The following CTNNA2 variants were observed in gnomAD, a reference collection of about 807,000 sequenced individuals.
The protein encoded by CTNNA2 is catenin alpha 2, also known as catenin alpha-2.
CTNNA2 carries 42 observed loss-of-function variants against 101.0 expected under a neutral mutation model. The observed-to-expected ratio is 0.42, with a 90% CI of 0.32 to 0.54. The LOEUF (loss-of-function observed/expected upper bound fraction) is 0.54, where lower values mean the gene tolerates loss of function less well. CTNNA2 is among the 20% of genes least tolerant of loss of function. The pLI, the probability that CTNNA2 is intolerant of heterozygous loss-of-function variation, is 0.14. For synonymous variants in CTNNA2, 450 were observed against 456.4 expected (o/e 0.99, Z 0.18); for missense variants, 871 against 1,223.1 (o/e 0.71, Z 4.29).
Position 80,581,817 on chromosome 2 carries a change from C to T in CTNNA2, c.2005C>T (p.Arg669Trp). The T allele has an allele frequency of 1.9e-6, 3 of 1,581,514 alleles. No homozygotes were observed. Among genetic ancestry groups the T allele is most frequent in the Non-Finnish European group, 1.7e-6 (2 of 1,150,712 alleles). The change falls in exon 14 of 19, where the codon CGG becomes TGG. Residue 669 changes from arginine (R) to tryptophan (W), a missense_variant and splice_region_variant. Coordinates refer to ENST00000402739, the MANE Select transcript of CTNNA2 (RefSeq NM_001282597.3). ...CCAGCTCATTGCAGGGCAGAGCGCACGGGTGAGTGGACACCTAAGACTTTG... is the reference window on the plus strand; with the variant it reads ...CCAGCTCATTGCAGGGCAGAGCGCATGGGTGAGTGGACACCTAAGACTTTG... ...DDQLIAGQSA[R>W]AIMAQLPQEE...
intron 4 of CTNNA2, among the ~76,000 whole-genome samples, chr2:79,455,911 G>A (rs1670815582): frequency 1.3e-5 from 2 of 152,060 alleles, no homozygotes; most frequent in Admixed American, 1.3e-4. Flanking sequence ...ATAATATCCA[G>A]GACATTACTT....
chr2:80,032,929 G>A (rs187991277), intron 7 of CTNNA2, among the ~76,000 whole-genome samples: 3 of 152,052 alleles, frequency 2.0e-5, no homozygotes, highest in Non-Finnish European at 4.4e-5. Context: ...GAGACAGGCG[G>A]ATCACGAGGT....
intron 1 of CTNNA2, chr2:79,636,787 A>G (rs1235100621): frequency 7.2e-5 from 11 of 152,334 alleles, no homozygotes; most frequent in Non-Finnish European, 1.6e-4. Context: ...ATATCTTTCC[A>G]GACTTTTTCT....
chr2:79,860,245 G>A (rs1299508773), intron 4 of CTNNA2, among the ~76,000 whole-genome samples: 3 of 152,184 alleles, frequency 2.0e-5, no homozygotes, highest in Non-Finnish European at 2.9e-5. Flanking sequence ...TAATACGACT[G>A]AACCTAACAA....
At chr2:80,300,591 C>A (rs1676194243) in intron 7 of CTNNA2, among the ~76,000 whole-genome samples, 1 of 151,942 alleles carries the variant, frequency 6.6e-6, no homozygotes, top group African/African-American at 2.4e-5. Context: ...CCCATCCCCC[C>A]ATTCCCTCTT....
chr2:79,976,922 G>C (rs989740623), intron 7 of CTNNA2, among the ~76,000 whole-genome samples: 1 of 152,090 alleles, frequency 6.6e-6, no homozygotes, highest in Admixed American at 6.6e-5. Context: ...CTGCCTTTCA[G>C]TGATCAAATT....
At chr2:79,931,749 A>G (rs985797725) in intron 7 of CTNNA2, among the ~76,000 whole-genome samples, 7 of 152,056 alleles carry the variant, frequency 4.6e-5, no homozygotes, top group Non-Finnish European at 1.0e-4. Context: ...CTAAAAGGGG[A>G]GAGAGGCAGA....
At chr2:80,296,070 A>T (rs1175079107) in intron 7 of CTNNA2, among the ~76,000 whole-genome samples, 1 of 152,024 alleles carries the variant, frequency 6.6e-6, no homozygotes, top group Non-Finnish European at 1.5e-5. Context: ...TTTTACGATT[A>T]TTGCGGGTAC....
At chr2:79,461,066 C>A (rs1670872300) in intron 4 of CTNNA2, among the ~76,000 whole-genome samples, 2 of 152,068 alleles carry the variant, frequency 1.3e-5, no homozygotes, top group South Asian at 4.1e-4. Context: ...GGTCTCGAAC[C>A]CCTGACCTCA....
intron 7 of CTNNA2, among the ~76,000 whole-genome samples, chr2:80,379,320 T>C (rs1676285582): frequency 6.6e-6 from 1 of 152,190 alleles, no homozygotes; most frequent in African/African-American, 2.4e-5. Flanking sequence ...TACAGGTGGA[T>C]ATGACAATAA....
At chr2:79,452,826 T>C (rs184848821) in intron 4 of CTNNA2, among the ~76,000 whole-genome samples, 5 of 152,224 alleles carry the variant, frequency 3.3e-5, no homozygotes, top group Non-Finnish European at 5.9e-5. Context: ...TTCTAGTCAC[T>C]CATTGAGTTC....
At chr2:79,829,887 G>GT (rs1363437519) in intron 3 of CTNNA2, among the ~76,000 whole-genome samples, 2 of 151,632 alleles carry the variant, frequency 1.3e-5, no homozygotes, top group Non-Finnish European at 2.9e-5. Context: ...GCCCGGCTAA[G>GT]TTTTTTTCTA....
chr2:79,235,214 T>A (rs920117697), intron 2 of CTNNA2, among the ~76,000 whole-genome samples: 1 of 152,204 alleles, frequency 6.6e-6, no homozygotes, highest in African/African-American at 2.4e-5. Flanking sequence ...CTGGGTGTTT[T>A]CAGAGGGTCA....
At chr2:80,377,260 C>T (rs1676044639) in intron 7 of CTNNA2, among the ~76,000 whole-genome samples, 1 of 152,226 alleles carries the variant, frequency 6.6e-6, no homozygotes, top group African/African-American at 2.4e-5. Context: ...ATCTGTCTTC[C>T]ATTTATCCAT....
At chr2:79,357,544 G>A (rs1179687216) in intron 3 of CTNNA2, among the ~76,000 whole-genome samples, 2 of 152,134 alleles carry the variant, frequency 1.3e-5, no homozygotes, top group African/African-American at 4.8e-5. Context: ...AAAAGAGAGA[G>A]AATGGGCGGA....
chr2:80,014,327 G>A (rs888488085), intron 7 of CTNNA2, among the ~76,000 whole-genome samples: 1 of 151,824 alleles, frequency 6.6e-6, no homozygotes, highest in African/African-American at 2.4e-5. Flanking sequence ...GCATGGTTCC[G>A]GAGGGGTGAC....
intron 7 of CTNNA2, among the ~76,000 whole-genome samples, chr2:80,146,681 T>C (rs191274605): frequency 6.6e-6 from 1 of 150,476 alleles, no homozygotes; most frequent in African/African-American, 2.4e-5. Context: ...ATTTATACTA[T>C]CGTTTTCTGA....
chr2:79,511,529 G>C (rs1227833133), upstream of CTNNA2, among the ~76,000 whole-genome samples: 1 of 152,086 alleles, frequency 6.6e-6, no homozygotes, highest in Non-Finnish European at 1.5e-5. Flanking sequence ...CACTGTCCGT[G>C]GTCCTGAAAC....
intron 3 of CTNNA2, among the ~76,000 whole-genome samples, chr2:79,364,151 C>A (rs10210175): frequency 0.29 from 43,867 of 152,024 alleles, 6,542 homozygotes; most frequent in Middle Eastern, 0.44. Context: ...GGCAAATGAG[C>A]TAAGTTGATT....
Sources: allele counts gnomAD v4.1 joint callset (sites outside exome capture counted in the v4.1 genomes callset), GRCh38; gene constraint gnomAD v4.1.1; transcripts MANE v1.5; gene names NCBI Gene and HGNC (gene_info 2026-07-23, HGNC 2026-07-21).